OR56A1: variants seen among roughly 807,000 people sequenced by gnomAD.
OR56A1 encodes olfactory receptor 56A1.
For synonymous variants in OR56A1, 174 were observed against 159.1 expected (o/e 1.09, Z -0.70); for missense variants, 360 against 380.9 (o/e 0.94, Z 0.46).
rs11040335 is a variant in OR56A1, at chr11:6,026,826, T to C, written c.867A>G (p.Ala289=). The change falls in exon 2 of 2, where the codon GCA becomes GCG. Residue 289 remains alanine, a synonymous_variant. Transcript: ENST00000641900. ...LNVLHHLIPP[A]LNPIVYGVRT... ...GAACCCCATACACAATAGGGTTCAA[T>C]GCAGGAGGAATAAGGTGATGAAGGA... is the stretch of plus-strand genomic sequence containing the variant. 0.35 allele frequency: 570,956 copies of C among 1,612,636 alleles called. 104,556 individuals are homozygous for C. Among genetic ancestry groups the C allele is most frequent in the Admixed American group, 0.37 (22,379 of 60,008 alleles).
chr11:6,028,819 A>G (rs968803329), intron 1 of OR56A1, among the ~76,000 whole-genome samples: 29 of 152,178 alleles, frequency 1.9e-4, no homozygotes, highest in African/African-American at 6.5e-4. Context: ...CGATATATCA[A>G]AAAGATAATT....
At chr11:6,032,609 G>C (rs912646447), upstream of OR56A1, among the ~76,000 whole-genome samples, 4 of 152,106 alleles carry the variant, frequency 2.6e-5, no homozygotes, top group Non-Finnish European at 5.9e-5. Context: ...GGGCTGAGGG[G>C]CAGTTCTGAT....
In OR56A1 at chr11:6,023,287, C is replaced by T. The variant is rs1420508306; in HGVS notation, c.*3461G>A. 6.6e-6 allele frequency: 1 copy of T among 152,156 alleles called. No homozygotes were observed. Among genetic ancestry groups the T allele is most frequent in the African/African-American group, 2.4e-5 (1 of 41,440 alleles). 9.4% of individuals were successfully genotyped at this position (152,156 alleles called of 1,614,324 possible). ...CTCTGATGTCTCAGAACTCTCACTGCCTAGAATATACACCAAAGCATAATA... is the reference window on the plus strand; with the variant it reads ...CTCTGATGTCTCAGAACTCTCACTGTCTAGAATATACACCAAAGCATAATA... On this transcript the variant is annotated 3_prime_UTR_variant, in exon 2 of 2. Coordinates refer to ENST00000641900, the MANE Select transcript of OR56A1 (RefSeq NM_001388488.1).
rs1848414440 is a variant in OR56A1 at position 6,023,205 on chromosome 11, TA to T, written c.*3542del. 1 of 152,200 alleles carries T rather than the reference TA, an allele frequency of 6.6e-6. No homozygotes were observed. The highest frequency in any genetic ancestry group is 2.4e-5 in the African/African-American group (1 of 41,442). The allele number at this position is 152,200 out of a possible 1,614,324, so 9.4% of individuals were successfully genotyped here. ...ACTTGCCAACTATGAAGAGTTTGCT[TA>T]ACTTCAGACGTTGCTGTTTAAGTTC... is the stretch of plus-strand genomic sequence containing the variant. On this transcript the variant is annotated 3_prime_UTR_variant, in exon 2 of 2. Coordinates refer to ENST00000641900, the MANE Select transcript of OR56A1 (RefSeq NM_001388488.1).
At position 6,027,585 on chromosome 11, in the gene OR56A1, A is replaced by G. The variant is rs1848468291; in HGVS notation, c.108T>C (p.Leu36=). ...WQHWLSLPLS[L]LFLLAMGANT... ...TAGCTCCCATGGCCAGGAGGAAGAG[A>G]AGGCTGAGGGGCAGGGAGAGCCAGT... Residue 36 remains leucine, a synonymous_variant, in exon 2 of 2, where the codon CTT becomes CTC. Coordinates refer to ENST00000641900, the MANE Select transcript of OR56A1 (RefSeq NM_001388488.1). 6.2e-7 allele frequency: 1 copy of G among 1,613,952 alleles called. No individual in the cohort carries two copies. Among genetic ancestry groups the G allele is most frequent in the Non-Finnish European group, 8.5e-7 (1 of 1,179,994 alleles).
chr11:6,026,872 T>A lies in OR56A1; in HGVS notation c.821A>T (p.Asp274Val), dbSNP rs1280366324. 9.9e-6 allele frequency: 16 copies of A among 1,614,148 alleles called. No individual in the cohort carries two copies. Among genetic ancestry groups the A allele is most frequent in the Non-Finnish European group, 1.4e-5 (16 of 1,179,944 alleles). Reference protein sequence around the residue: ...TNVARKKVPMDILILLNVLHH... With the variant: ...TNVARKKVPMVILILLNVLHH... ...AAGGACGTTCAGCAGGATCAGGATG[T>A]CCATGGGGACCTTCTTTCTGGCCAC... is the stretch of plus-strand genomic sequence containing the variant. The change falls in exon 2 of 2, where the codon GAC (aspartate) becomes GTC (valine). Residue 274 changes from aspartate (D) to valine (V), a missense_variant. Transcript: ENST00000641900.
Position 6,027,451 on chromosome 11 carries a change from A to T in OR56A1, c.242T>A (p.Ile81Asn). 1.2e-6 allele frequency: 2 copies of T among 1,614,182 alleles called. No homozygotes were observed. Among genetic ancestry groups the T allele is most frequent in the Non-Finnish European group, 1.7e-6 (2 of 1,180,034 alleles). Residue 81 changes from isoleucine to asparagine, a missense_variant, in exon 2 of 2, where the codon ATC (isoleucine) becomes AAC (asparagine). Transcript: ENST00000641900. ...LLDIVLCLTV[I>N]PKVLAIFWYD... ...CCAGAAGATGGCCAGGACCTTGGGGATGACGGTGAGGCAGAGCACGATGTC... is the reference window on the plus strand; with the variant it reads ...CCAGAAGATGGCCAGGACCTTGGGGTTGACGGTGAGGCAGAGCACGATGTC...
chr11:6,027,123 G>A lies in OR56A1; in HGVS notation c.570C>T (p.Leu190=). ...TGTTAAGGGTGAAATTATCACAGGA[G>A]AGCCTGGACACAGACAAGTTGGCAC... The part of the protein sequence containing the change: ...CICANLSVSR[L]SCDNFTLNRI... The change falls in exon 2 of 2, where the codon CTC becomes CTT. Residue 190 remains leucine, a synonymous_variant. Coordinates refer to ENST00000641900, the MANE Select transcript of OR56A1 (RefSeq NM_001388488.1). 6.2e-7 allele frequency: 1 copy of A among 1,614,162 alleles called. No individual in the cohort carries two copies.
chr11:6,024,929 G>A lies in OR56A1; in HGVS notation c.*1819C>T, dbSNP rs545636486. On this transcript the variant is annotated 3_prime_UTR_variant, in exon 2 of 2. Coordinates refer to ENST00000641900, the MANE Select transcript of OR56A1 (RefSeq NM_001388488.1). ...TAAGAGCCCCTTCCTGTAAGCCAAT[G>A]GGTATAATTTTTCTTTCCTACTGTT... is the stretch of plus-strand genomic sequence containing the variant. 1.5e-4 allele frequency: 23 copies of A among 152,238 alleles called. No homozygotes were observed. Among genetic ancestry groups the A allele is most frequent in the African/African-American group, 5.5e-4 (23 of 41,558 alleles). The allele number at this position is 152,238 out of a possible 1,614,324, so 9.4% of individuals were successfully genotyped here. A position where few individuals can be genotyped will look rare whatever the true frequency, so the allele number is the denominator to read the frequency against.
rs982163148 is a variant in OR56A1 at position 6,026,099 on chromosome 11, T to C, written c.*649A>G. The stretch of plus-strand genomic sequence containing the variant: ...TTAGGGTCCCCTCTACCTGTCTGCA[T>C]CCATCCTCACTTTCAAGACTCTCTC... On this transcript the variant is annotated 3_prime_UTR_variant, in exon 2 of 2. Coordinates refer to ENST00000641900, the MANE Select transcript of OR56A1 (RefSeq NM_001388488.1). 1 of 152,280 alleles carries C rather than the reference T, an allele frequency of 6.6e-6. No homozygotes were observed. Among genetic ancestry groups the C allele is most frequent in the Non-Finnish European group, 1.5e-5 (1 of 68,098 alleles). 9.4% of individuals were successfully genotyped at this position (152,280 alleles called of 1,614,324 possible).
intron 1 of OR56A1, 157 bp from the exon 2 acceptor site, chr11:6,027,883 T>C: frequency 1.8e-6 from 1 of 556,620 alleles, no homozygotes; most frequent in Non-Finnish European, 3.2e-6. Flanking sequence ...TGAGACTTGA[T>C]AAATAATGGT....
intron 1 of OR56A1, among the ~76,000 whole-genome samples, chr11:6,030,222 T>A (rs1848499178): frequency 6.6e-6 from 1 of 152,190 alleles, no homozygotes; most frequent in Non-Finnish European, 1.5e-5. Flanking sequence ...TAGGTTTCTT[T>A]ATAAACCATT....
rs1361401065 is a variant in OR56A1, at chr11:6,023,983, A to G, written c.*2765T>C. ...TGAGACCAGTTATTTTACCACTTGC[A>G]GTGAGCTTGACAATTTTGTGAGAAA... On this transcript the variant is annotated 3_prime_UTR_variant, in exon 2 of 2. Transcript: ENST00000641900. 1 of 152,198 alleles carries G rather than the reference A, an allele frequency of 6.6e-6. No homozygotes were observed. The highest frequency in any genetic ancestry group is 2.4e-5 in the African/African-American group (1 of 41,454). 9.4% of individuals were successfully genotyped at this position (152,198 alleles called of 1,614,324 possible).
chr11:6,033,984 A>T (rs987250949), upstream of OR56A1, among the ~76,000 whole-genome samples: 7 of 152,086 alleles, frequency 4.6e-5, no homozygotes, highest in African/African-American at 1.7e-4. Flanking sequence ...CCTTTATCCC[A>T]TTGTGGGATC....
chr11:6,031,729 A>C (rs1848514655), upstream of OR56A1, among the ~76,000 whole-genome samples: 1 of 152,196 alleles, frequency 6.6e-6, no homozygotes, highest in Non-Finnish European at 1.5e-5. Context: ...GGTGTTTATA[A>C]TCGCCACACA....
In OR56A1 at chr11:6,019,994, C is replaced by T. The variant is rs1310347313; in HGVS notation, c.*6754G>A. On this transcript the variant is annotated 3_prime_UTR_variant, in exon 2 of 2. Coordinates refer to ENST00000641900, the MANE Select transcript of OR56A1 (RefSeq NM_001388488.1). Reference sequence around the variant, plus strand: ...TCTTAAATAGGACACAGTCTTAATTCTATTATAAGCATCCTGGTAAATGTA... The same window carrying T: ...TCTTAAATAGGACACAGTCTTAATTTTATTATAAGCATCCTGGTAAATGTA... The T allele has an allele frequency of 1.3e-5, 2 of 152,024 alleles. No individual in the cohort carries two copies. The highest frequency in any genetic ancestry group is 3.9e-4 in the East Asian group (2 of 5,174). The allele number at this position is 152,024 out of a possible 1,614,324, so 9.4% of individuals were successfully genotyped here. A position where few individuals can be genotyped will look rare whatever the true frequency, so the allele number is the denominator to read the frequency against.
rs1781148887 is a variant in OR56A1 at position 6,022,909 on chromosome 11, GAT to G, written c.*3837_*3838del. 6.6e-6 allele frequency: 1 copy of G among 152,116 alleles called. No homozygotes were observed. The allele number at this position is 152,116 out of a possible 1,614,324, so 9.4% of individuals were successfully genotyped here. A position where few individuals can be genotyped will look rare whatever the true frequency, so the allele number is the denominator to read the frequency against. ...GTGTAATATGTTATGAAACACTAAG[GAT>G]ATTCACTATTCTTATGAATACCTGA... On this transcript the variant is annotated 3_prime_UTR_variant, in exon 2 of 2. Transcript: ENST00000641900.
chr11:6,027,707 G>C lies in OR56A1; in HGVS notation c.-15C>G. The stretch of plus-strand genomic sequence containing the variant: ...GGTGACGCCATAGGCTGAATCATGA[G>C]CTGAGTAGGCTTCTGATGACTATGT... On this transcript the variant is annotated 5_prime_UTR_variant, in exon 2 of 2. Transcript: ENST00000641900. The C allele has an allele frequency of 1.3e-6, 2 of 1,544,948 alleles. No individual in the cohort carries two copies. The highest frequency in any genetic ancestry group is 1.7e-6 in the Non-Finnish European group (2 of 1,145,322).
In OR56A1 at chr11:6,027,285, T is replaced by C. The variant is rs761876570; in HGVS notation, c.408A>G (p.Pro136=). The C allele has an allele frequency of 6.2e-7, 1 of 1,614,184 alleles. No homozygotes were observed. Among genetic ancestry groups the C allele is most frequent in the Non-Finnish European group, 8.5e-7 (1 of 1,180,034 alleles). Residue 136 remains proline (P), a synonymous_variant, in exon 2 of 2, where the codon CCA becomes CCG. Coordinates refer to ENST00000641900, the MANE Select transcript of OR56A1 (RefSeq NM_001388488.1). ...CCACAAATTGATTAGTGATGATGGA[T>C]GGGTACCGCAGTGGGTGGCAGATGG... ...YVAICHPLRY[P]SIITNQFVAK... is the part of the protein sequence containing the mutation.
Sources: allele counts gnomAD v4.1 joint callset (sites outside exome capture counted in the v4.1 genomes callset), GRCh38; gene constraint gnomAD v4.1.1; transcripts MANE v1.5; gene names NCBI Gene and HGNC (gene_info 2026-07-23, HGNC 2026-07-21).